Variants in DAP observed in about 807,000 individuals in gnomAD.
DAP encodes death-associated protein 1.
Under a neutral mutation model 13.8 loss-of-function variants are expected in DAP, and 8 were observed. The ratio of observed to expected loss-of-function variants is 0.58; its 90% CI spans 0.34 to 1.05. The LOEUF (loss-of-function observed/expected upper bound fraction) is 1.05, where lower values mean the gene tolerates loss of function less well. Ranked by LOEUF, DAP falls within the 50% of genes least tolerant of loss-of-function variation. The pLI, the probability that DAP is intolerant of heterozygous loss-of-function variation, is 0.03. For synonymous variants in DAP, 47 were observed against 47.5 expected, an observed-to-expected ratio of 0.99 and a Z score of 0.04; for missense variants, 106 against 133.2, an observed-to-expected ratio of 0.80 and a Z score of 1.01.
At chr5:10,759,119 G>A (rs1467335195) in intron 1 of DAP, among the ~76,000 whole-genome samples, 3 of 149,996 alleles carry the variant, frequency 2.0e-5, no homozygotes, top group African/African-American at 4.9e-5. Flanking sequence ...CCTAGAAGGC[G>A]GAGGTTGCAG....
chr5:10,719,015 T>G (rs907245016), intron 2 of DAP, among the ~76,000 whole-genome samples: 1 of 152,200 alleles, frequency 6.6e-6, no homozygotes. Flanking sequence ...GTGAAAACAT[T>G]TGCACGCCAG....
intron 2 of DAP, among the ~76,000 whole-genome samples, chr5:10,706,067 A>G (rs781597421): frequency 6.6e-6 from 1 of 152,246 alleles, no homozygotes; most frequent in South Asian, 2.1e-4. Flanking sequence ...ACAGCACAAC[A>G]TGGAAAGCAG....
intron 2 of DAP, among the ~76,000 whole-genome samples, chr5:10,713,043 AACCAGCCAACC>A (rs1738891902): frequency 1.6e-5 from 2 of 126,262 alleles, no homozygotes; most frequent in African/African-American, 7.1e-5. Flanking sequence ...CCAGCCGACC[AACCAGCCAACC>A]AACCAGCCAA....
At chr5:10,690,519 T>C (rs1738282033) in intron 2 of DAP, among the ~76,000 whole-genome samples, 1 of 152,232 alleles carries the variant, frequency 6.6e-6, no homozygotes, top group African/African-American at 2.4e-5. Flanking sequence ...TGAGTTTAAC[T>C]GCCCTAGGGA....
At position 10,720,500 on chromosome 5, in the gene DAP, T is replaced by C. The variant is rs147746613; in HGVS notation, c.152+27675A>G. 5.9e-3 allele frequency among the ~76,000 whole-genome samples: 901 copies of C among 152,352 alleles called. 3 individuals are homozygous for C. The highest frequency in any genetic ancestry group is 8.6e-3 in the Non-Finnish European group (588 of 68,036). On this transcript the variant is annotated intron_variant, in intron 2 of 3. Coordinates refer to ENST00000230895, the MANE Select transcript of DAP (RefSeq NM_004394.3). The stretch of plus-strand genomic sequence containing the variant: ...TGACCTCAGCAGAGGAGGATTTTAA[T>C]AATCAAGTGGATGCGATGACCCGTT...
At chr5:10,720,763 T>A (rs765148773) in intron 2 of DAP, among the ~76,000 whole-genome samples, 10 of 152,186 alleles carry the variant, frequency 6.6e-5, no homozygotes, top group Non-Finnish European at 1.5e-4. Flanking sequence ...AGCTACCTAG[T>A]GACTAGTTGA....
rs146468064 is a variant in DAP, at chr5:10,716,316, G to A, written c.152+31859C>T. ...TCTATCGTGCAGAGTAAACTCCTTCGAAGTCTAGATATCTGTGGGTAGTAA... is the reference window on the plus strand; with the variant it reads ...TCTATCGTGCAGAGTAAACTCCTTCAAAGTCTAGATATCTGTGGGTAGTAA... On this transcript the variant is annotated intron_variant, in intron 2 of 3. Transcript: ENST00000230895. 4.6e-3 allele frequency among the ~76,000 whole-genome samples: 691 copies of A among 151,450 alleles called. 5 individuals carry two copies. Among genetic ancestry groups the A allele is most frequent in the African/African-American group, 0.015 (612 of 40,790 alleles).
chr5:10,715,233 A>G (rs1579801159), intron 2 of DAP, among the ~76,000 whole-genome samples: 1 of 152,172 alleles, frequency 6.6e-6, no homozygotes, highest in East Asian at 1.9e-4. Flanking sequence ...CAGTAGCCTG[A>G]TGTCCCTTGG....
At chr5:10,741,967 T>C (rs577633940) in intron 2 of DAP, among the ~76,000 whole-genome samples, 1 of 152,352 alleles carries the variant, frequency 6.6e-6, no homozygotes, top group Admixed American at 6.5e-5. Context: ...TTGGGGAAGA[T>C]ACTTTGAGAC....
intron 1 of DAP, among the ~76,000 whole-genome samples, chr5:10,752,137 G>A (rs1740062228): frequency 6.6e-6 from 1 of 152,194 alleles, no homozygotes; most frequent in Non-Finnish European, 1.5e-5. Flanking sequence ...CTCCTGCAGG[G>A]CAGCCTGTCC....
At chr5:10,723,867 G>T (rs1739219028) in intron 2 of DAP, among the ~76,000 whole-genome samples, 1 of 152,200 alleles carries the variant, frequency 6.6e-6, no homozygotes, top group African/African-American at 2.4e-5. Context: ...GGATACAGAA[G>T]GAGAGTCGCA....
intron 2 of DAP, among the ~76,000 whole-genome samples, chr5:10,737,196 T>C (rs1031239572): frequency 6.6e-6 from 1 of 151,948 alleles, no homozygotes; most frequent in Non-Finnish European, 1.5e-5. Flanking sequence ...AATACAATAA[T>C]TAGCTGGGCA....
In DAP at chr5:10,727,472, G is replaced by A. The variant is rs888633322; in HGVS notation, c.152+20703C>T. On this transcript the variant is annotated intron_variant, in intron 2 of 3. Coordinates refer to ENST00000230895, the MANE Select transcript of DAP (RefSeq NM_004394.3). ...TGCCAGGCAGGAAGCCCTGACAGTC[G>A]GCCGTGAGAGGGTGGTGGGGATGGG... 7.2e-5 allele frequency among the ~76,000 whole-genome samples: 11 copies of A among 152,176 alleles called. No individual in the cohort carries two copies. In the South Asian group the frequency reaches 8.3e-4, roughly 11 times the overall value.
chr5:10,696,770 T>G (rs1216455605), intron 2 of DAP, among the ~76,000 whole-genome samples: 1 of 152,174 alleles, frequency 6.6e-6, no homozygotes, highest in Non-Finnish European at 1.5e-5. Context: ...TCTCAGGGCT[T>G]CTTTGAAGAA....
At chr5:10,716,577 T>C (rs1252294884) in intron 2 of DAP, among the ~76,000 whole-genome samples, 2 of 152,118 alleles carry the variant, frequency 1.3e-5, no homozygotes, top group African/African-American at 2.4e-5. Context: ...CAGAAAAACA[T>C]GAAGCAAGAG....
intron 2 of DAP, among the ~76,000 whole-genome samples, chr5:10,695,865 AT>A (rs542051940): frequency 0.012 from 1,761 of 141,598 alleles, 2 homozygotes; most frequent in African/African-American, 0.015. Flanking sequence ...CTTCACAGAG[AT>A]TTTTTTTTTT....
chr5:10,685,431 A>G (rs1224227639), intron 2 of DAP, among the ~76,000 whole-genome samples: 2 of 152,216 alleles, frequency 1.3e-5, no homozygotes, highest in Non-Finnish European at 2.9e-5. Context: ...TACCATCCAC[A>G]GGGGAGGGCT....
rs1257723855 is a variant in DAP at position 10,679,621 on chromosome 5, A to C, written c.*1435T>G. 6.6e-6 allele frequency: 1 copy of C among 152,388 alleles called. No individual in the cohort carries two copies. Among genetic ancestry groups the C allele is most frequent in the African/African-American group, 2.4e-5 (1 of 41,460 alleles). 9.4% of individuals were successfully genotyped at this position (152,388 alleles called of 1,614,324 possible). A position where few individuals can be genotyped will look rare whatever the true frequency, so the allele number is the denominator to read the frequency against. On this transcript the variant is annotated 3_prime_UTR_variant, in exon 4 of 4. Transcript: ENST00000230895. The stretch of plus-strand genomic sequence containing the variant: ...CACCCTCAGTTTATACCAACTGATC[A>C]GGAAATAGGTGGTGACAGGGCCTTG...
In DAP at chr5:10,680,228, C is replaced by T; in HGVS notation, c.*828G>A. On this transcript the variant is annotated 3_prime_UTR_variant, in exon 4 of 4. Transcript: ENST00000230895. ...CTTTCAACTCTCTGGCTCAAGTGTC[C>T]CAGAATGAACTAGAAGTCTATTCCT... 6.3e-6 allele frequency: 1 copy of T among 158,300 alleles called. No individual in the cohort carries two copies. The highest frequency in any genetic ancestry group is 1.8e-4 in the East Asian group (1 of 5,516). 9.8% of individuals were successfully genotyped at this position (158,300 alleles called of 1,614,324 possible).
Sources: allele counts gnomAD v4.1 joint callset (sites outside exome capture counted in the v4.1 genomes callset), GRCh38; gene constraint gnomAD v4.1.1; transcripts MANE v1.5; gene names NCBI Gene and HGNC (gene_info 2026-07-23, HGNC 2026-07-21).